The following ATRNL1 variants were observed in gnomAD, a reference collection of about 807,000 sequenced individuals.
ATRNL1 encodes the protein attractin-like protein 1.
Under a neutral mutation model 182.7 loss-of-function variants are expected in ATRNL1, and 95 were observed. The ratio of observed to expected loss-of-function variants is 0.52; its 90% CI spans 0.44 to 0.62. The LOEUF (loss-of-function observed/expected upper bound fraction) is 0.62, where lower values mean the gene tolerates loss of function less well. ATRNL1 is among the 20% of genes least tolerant of loss of function. ATRNL1 has a pLI of 0.00. For missense variants in ATRNL1, 1,471 were observed against 1,679.5 expected, an observed-to-expected ratio of 0.88 and a Z score of 2.17; for synonymous variants, 576 against 568.3, an observed-to-expected ratio of 1.01 and a Z score of -0.19.
intron 8 of ATRNL1, among the ~76,000 whole-genome samples, chr10:115,182,978 T>C (rs1847805477): frequency 6.6e-6 from 1 of 151,328 alleles, no homozygotes; most frequent in Non-Finnish European, 1.5e-5. Flanking sequence ...TAGCGAACAA[T>C]ACAGCCCGAT....
chr10:115,724,613 C>T (rs1259158615), intron 26 of ATRNL1, among the ~76,000 whole-genome samples: 1 of 151,922 alleles, frequency 6.6e-6, no homozygotes, highest in Non-Finnish European at 1.5e-5. Context: ...GATTATGATC[C>T]AATTGCTGGT....
chr10:115,460,687 C>T (rs1847752870), intron 21 of ATRNL1, among the ~76,000 whole-genome samples: 1 of 152,104 alleles, frequency 6.6e-6, no homozygotes, highest in African/African-American at 2.4e-5. Flanking sequence ...GGCTTATTCT[C>T]TTACTAGCTC....
intron 28 of ATRNL1, among the ~76,000 whole-genome samples, chr10:115,916,225 A>T (rs1465012951): frequency 1.3e-5 from 2 of 152,212 alleles, no homozygotes; most frequent in Non-Finnish European, 1.5e-5. Context: ...GACTGCTGGG[A>T]GGCAATGACT....
At chr10:115,583,378 A>G (rs1395372470) in intron 26 of ATRNL1, among the ~76,000 whole-genome samples, 1 of 109,340 alleles carries the variant, frequency 9.1e-6, no homozygotes, top group African/African-American at 2.8e-5. Flanking sequence ...CTTCCTACCC[A>G]TGAGCATGGA....
At chr10:115,678,349 A>G (rs1373038746) in intron 26 of ATRNL1, among the ~76,000 whole-genome samples, 11 of 152,118 alleles carry the variant, frequency 7.2e-5, no homozygotes, top group South Asian at 2.1e-4. Flanking sequence ...ACCAATCTCT[A>G]TAGGTTAAGA....
intron 8 of ATRNL1, among the ~76,000 whole-genome samples, chr10:115,206,886 T>A (rs1848819286): frequency 6.6e-6 from 1 of 152,140 alleles, no homozygotes; most frequent in African/African-American, 2.4e-5. Context: ...CCCCACCCTG[T>A]GTCCATGTGT....
At chr10:115,221,589 A>G (rs571726250) in intron 9 of ATRNL1, among the ~76,000 whole-genome samples, 13 of 152,302 alleles carry the variant, frequency 8.5e-5, no homozygotes, top group African/African-American at 3.1e-4. Context: ...ATGTCAAGGG[A>G]TACAAGACAG....
At chr10:115,718,727 CA>C (rs2060564709) in intron 26 of ATRNL1, among the ~76,000 whole-genome samples, 1 of 152,184 alleles carries the variant, frequency 6.6e-6, no homozygotes, top group South Asian at 2.1e-4. Context: ...GAGTCACCTT[CA>C]AAAATTCTGC....
intron 19 of ATRNL1, among the ~76,000 whole-genome samples, chr10:115,371,705 T>TCC (rs1554948096): frequency 6.6e-6 from 1 of 152,186 alleles, no homozygotes; most frequent in East Asian, 1.9e-4. Context: ...TTGTCTCGGA[T>TCC]GAGACTGTGG....
intron 24 of ATRNL1, among the ~76,000 whole-genome samples, chr10:115,482,486 A>G (rs1848814137): frequency 6.6e-6 from 1 of 150,980 alleles, no homozygotes; most frequent in Admixed American, 6.6e-5. Flanking sequence ...TTTTATTAAT[A>G]TATTTATAAT....
intron 26 of ATRNL1, among the ~76,000 whole-genome samples, chr10:115,623,590 A>G (rs1459364258): frequency 6.6e-6 from 1 of 152,178 alleles, no homozygotes; most frequent in Non-Finnish European, 1.5e-5. Flanking sequence ...TTTAAGAACT[A>G]CAAAAAAACC....
At chr10:115,800,606 T>C (rs368659412) in intron 27 of ATRNL1, among the ~76,000 whole-genome samples, 11 of 152,174 alleles carry the variant, frequency 7.2e-5, no homozygotes, top group African/African-American at 2.4e-4. Context: ...CAGAGGCTCC[T>C]ACCATGACCA....
At chr10:115,101,441 A>C (rs1554864559) in intron 1 of ATRNL1, among the ~76,000 whole-genome samples, 1 of 151,934 alleles carries the variant, frequency 6.6e-6, no homozygotes, top group East Asian at 1.9e-4. Flanking sequence ...TATTAAATGC[A>C]TTTTCTGTGC....
intron 26 of ATRNL1, among the ~76,000 whole-genome samples, chr10:115,721,757 A>G (rs1947433596): frequency 6.6e-6 from 1 of 152,218 alleles, no homozygotes; most frequent in South Asian, 2.1e-4. Flanking sequence ...TATCACTTAT[A>G]TATGCTATTA....
At chr10:115,110,419 C>T (rs1403864434) in intron 1 of ATRNL1, among the ~76,000 whole-genome samples, 1 of 152,162 alleles carries the variant, frequency 6.6e-6, no homozygotes, top group Non-Finnish European at 1.5e-5. Context: ...CCTCTTGGTG[C>T]TGAGAGCGAG....
chr10:115,682,319 A>G (rs1453813797), intron 26 of ATRNL1, among the ~76,000 whole-genome samples: 2 of 152,120 alleles, frequency 1.3e-5, no homozygotes, highest in African/African-American at 4.8e-5. Context: ...TGGATGGATC[A>G]CTTGAGGTCA....
At chr10:115,370,001 G>A (rs75895202) in intron 19 of ATRNL1, among the ~76,000 whole-genome samples, 237 of 152,280 alleles carry the variant, frequency 1.6e-3, no homozygotes, top group African/African-American at 5.5e-3. Context: ...TTGAATCACA[G>A]GGGTGGATCT....
intron 26 of ATRNL1, among the ~76,000 whole-genome samples, chr10:115,645,012 C>T (rs1859513822): frequency 6.6e-6 from 1 of 152,004 alleles, no homozygotes; most frequent in South Asian, 2.1e-4. Context: ...ACATTCATTC[C>T]CAGTTGAGTT....
intron 26 of ATRNL1, among the ~76,000 whole-genome samples, chr10:115,554,500 G>C (rs1554996518): frequency 6.6e-6 from 1 of 151,474 alleles, no homozygotes; most frequent in East Asian, 1.9e-4. Flanking sequence ...GTTCAACAAA[G>C]GTGTATCAAT....
Sources: gnomAD v4.1 joint callset for allele counts (sites outside exome capture counted in the v4.1 genomes callset) on GRCh38, gnomAD v4.1.1 for gene constraint, MANE v1.5 for transcripts, NCBI Gene and HGNC (gene_info 2026-07-23, HGNC 2026-07-21) for gene names.